GGACT: variants seen among roughly 807,000 people sequenced by gnomAD.
GGACT encodes gamma-glutamylamine cyclotransferase.
For synonymous variants in GGACT, 118 were observed against 115.3 expected (o/e 1.02, Z -0.15); for missense variants, 241 against 233.2 (o/e 1.03, Z -0.22).
At chr13:100,538,095 T>C (rs1193997154) in intron 2 of GGACT, 1 of 152,180 alleles carries the variant, frequency 6.6e-6, no homozygotes, top group African/African-American at 2.4e-5. Flanking sequence ...TATTTAATGC[T>C]CTCAACTCTG....
At chr13:100,572,097 A>G (rs997348207) in intron 2 of GGACT, among the ~76,000 whole-genome samples, 1 of 152,234 alleles carries the variant, frequency 6.6e-6, no homozygotes, top group African/African-American at 2.4e-5. Context: ...GACATAGCTC[A>G]TGCACGTTCC....
intron 2 of GGACT, among the ~76,000 whole-genome samples, chr13:100,553,184 G>A (rs907030652): frequency 1.3e-5 from 2 of 152,042 alleles, no homozygotes; most frequent in African/African-American, 2.4e-5. Context: ...CAAGATCTGG[G>A]TTTTAAAATA....
intron 2 of GGACT, among the ~76,000 whole-genome samples, chr13:100,576,555 C>T (rs1244672314): frequency 2.6e-5 from 4 of 152,210 alleles, no homozygotes; most frequent in Non-Finnish European, 4.4e-5. Context: ...TGGCCCTCCA[C>T]TGTGAATGGA....
Position 100,532,588 on chromosome 13 carries a change from C to A in GGACT, c.4G>T (p.Ala2Ser). The A allele has an allele frequency of 6.5e-7, 1 of 1,538,748 alleles. No homozygotes were observed. ...AGGGTGCCGTACACGAAGACTAGGGCCATCCGGGCAGAGCTGCAGGGAGAG... is the reference window on the plus strand; with the variant it reads ...AGGGTGCCGTACACGAAGACTAGGGACATCCGGGCAGAGCTGCAGGGAGAG... M[A>S]LVFVYGTLKR... is the part of the protein sequence containing the mutation. The change falls in exon 3 of 3, where the codon GCC becomes TCC. Residue 2 changes from alanine (A) to serine (S), a missense_variant. By Grantham distance (99) the Ala-to-Ser change is moderately conservative (BLOSUM62 1). Transcript: ENST00000683975.
intron 2 of GGACT, among the ~76,000 whole-genome samples, chr13:100,568,355 A>G (rs1874974556): frequency 6.6e-6 from 1 of 152,268 alleles, no homozygotes; most frequent in African/African-American, 2.4e-5. Context: ...CAGGAAACTT[A>G]CAACCATGGC....
At chr13:100,579,107 T>C (rs1383078211) in intron 2 of GGACT, among the ~76,000 whole-genome samples, 2 of 152,198 alleles carry the variant, frequency 1.3e-5, no homozygotes, top group Non-Finnish European at 2.9e-5. Context: ...TCTTTCTTAC[T>C]GGGTGCCCAC....
chr13:100,578,627 G>GT (rs1875323645), intron 2 of GGACT, among the ~76,000 whole-genome samples: 1 of 152,204 alleles, frequency 6.6e-6, no homozygotes. Context: ...CTTCGTCAAT[G>GT]TTCCCTCCAA....
intron 2 of GGACT, among the ~76,000 whole-genome samples, chr13:100,558,052 T>C (rs559422187): frequency 2.5e-4 from 38 of 152,054 alleles, no homozygotes; most frequent in African/African-American, 9.2e-4. Flanking sequence ...TGGTGGCACA[T>C]GCCTGTAATC....
chr13:100,552,532 T>C (rs2088674350), intron 2 of GGACT, among the ~76,000 whole-genome samples: 1 of 152,178 alleles, frequency 6.6e-6, no homozygotes, highest in African/African-American at 2.4e-5. Flanking sequence ...GTCGTGAGCC[T>C]TGTTATCAAT....
At chr13:100,585,429 G>C (rs974703850) in intron 1 of GGACT, among the ~76,000 whole-genome samples, 4 of 152,272 alleles carry the variant, frequency 2.6e-5, no homozygotes, top group African/African-American at 7.2e-5. Flanking sequence ...GAAAGAGCTG[G>C]TATCTGGCTC....
intron 1 of GGACT, among the ~76,000 whole-genome samples, chr13:100,585,200 T>C (rs1259663959): frequency 1.3e-5 from 2 of 152,204 alleles, no homozygotes; most frequent in African/African-American, 4.8e-5. Context: ...GTCATTGGTA[T>C]TGAGGAAACC....
rs2153017530 is a variant in GGACT, at chr13:100,583,814, A to G, written c.-11+11T>C. 1 of 152,374 alleles carries G rather than the reference A, an allele frequency of 6.6e-6. No homozygotes were observed. Among genetic ancestry groups the G allele is most frequent in the Middle Eastern group, 3.4e-3 (1 of 294 alleles). 9.4% of individuals were successfully genotyped at this position (152,374 alleles called of 1,614,324 possible). ...AATGAACACTCTAGAACAGAGGCTA[A>G]CAGTTCTCACCTGTAAGCTTGTTTC... On this transcript the variant is annotated intron_variant, in intron 2 of 2. Coordinates refer to ENST00000683975, the MANE Select transcript of GGACT (RefSeq NM_001195087.2).
Position 100,587,575 on chromosome 13 carries a change from A to G in GGACT, c.-184+1166T>C, listed in dbSNP as rs1875617376. On this transcript the variant is annotated intron_variant, in intron 1 of 2. Transcript: ENST00000683975. The stretch of plus-strand genomic sequence containing the variant: ...AGGTGCTCTTCATCTGAGCATTTCA[A>G]TAAATTGAATGAGGCCAGGGAAAAG... Among the ~76,000 whole-genome samples, 3 of 152,270 alleles carry G rather than the reference A, an allele frequency of 2.0e-5. No individual in the cohort carries two copies. In the South Asian group the frequency reaches 6.2e-4, roughly 31 times the overall value.
At chr13:100,560,680 C>T (rs2088751724) in intron 2 of GGACT, among the ~76,000 whole-genome samples, 2 of 152,264 alleles carry the variant, frequency 1.3e-5, no homozygotes, top group South Asian at 4.1e-4. Context: ...GCTCTGCTGT[C>T]ACTGAGCTCC....
intron 2 of GGACT, among the ~76,000 whole-genome samples, chr13:100,574,507 C>T (rs1430255554): frequency 6.6e-6 from 1 of 152,106 alleles, no homozygotes; most frequent in African/African-American, 2.4e-5. Context: ...ACCTGGGAGG[C>T]AGAGGTTGCA....
At chr13:100,536,863 C>T (rs61971602) in intron 2 of GGACT, 1 of 152,734 alleles carries the variant, frequency 6.5e-6, no homozygotes, top group African/African-American at 2.4e-5. Flanking sequence ...AGGAACCCGC[C>T]ATCCTCTGCC....
At chr13:100,583,100 A>G (rs1271350000) in intron 2 of GGACT, among the ~76,000 whole-genome samples, 2 of 152,214 alleles carry the variant, frequency 1.3e-5, no homozygotes, top group Non-Finnish European at 2.9e-5. Context: ...ACTTAGCAAC[A>G]TACGGCCAAT....
At chr13:100,551,157 G>A (rs977847248) in intron 2 of GGACT, among the ~76,000 whole-genome samples, 3 of 152,008 alleles carry the variant, frequency 2.0e-5, no homozygotes, top group African/African-American at 4.8e-5. Context: ...GGTGGCGGGC[G>A]CCTGTGGTCC....
At position 100,532,443 on chromosome 13, in the gene GGACT, A is replaced by T; in HGVS notation, c.149T>A (p.Ile50Asn). 2.6e-6 allele frequency: 4 copies of T among 1,549,822 alleles called. No individual in the cohort carries two copies. The East Asian group carries it at 7.3e-5, about 28-fold the overall frequency. ...GCCGGGCAGGTGCAGCAGCCACGGG[A>T]TGTTGTGCTCCCCCGCGATCACCAA... ...YPLVIAGEHN[I>N]PWLLHLPGSG... The change falls in exon 3 of 3, where the codon ATC becomes AAC. Residue 50 changes from isoleucine (I) to asparagine (N), a missense_variant. Physicochemically the swap from Ile to Asn is moderately radical, Grantham distance 149 (BLOSUM62 -3). Transcript: ENST00000683975.
Sources: allele counts gnomAD v4.1 joint callset (sites outside exome capture counted in the v4.1 genomes callset), GRCh38; gene constraint gnomAD v4.1.1; transcripts MANE v1.5; gene names NCBI Gene and HGNC (gene_info 2026-07-23, HGNC 2026-07-21).